SPON1: variants seen among roughly 807,000 people sequenced by gnomAD.
SPON1 encodes the protein spondin-1.
In SPON1, 52 loss-of-function variants were observed where a neutral mutation model predicts 111.7. The observed-to-expected ratio is 0.47, with a 90% CI of 0.37 to 0.59. The LOEUF (loss-of-function observed/expected upper bound fraction) is 0.59, where lower values mean the gene tolerates loss of function less well. Among genes scored for constraint, SPON1 ranks in the 20% least tolerant of loss-of-function variants. The pLI is 0.00. For missense variants in SPON1, 957 were observed against 1,068.5 expected (o/e 0.90, Z 1.46); for synonymous variants, 410 against 395.8 (o/e 1.04, Z -0.43).
chr11:14,069,716 T>A (rs983947879), intron 3 of SPON1, among the ~76,000 whole-genome samples: 1 of 152,110 alleles, frequency 6.6e-6, no homozygotes, highest in Non-Finnish European at 1.5e-5. Context: ...GAGTGATAAT[T>A]AATCAGGAAT....
intron 6 of SPON1, among the ~76,000 whole-genome samples, chr11:14,173,718 C>T (rs1332552930): frequency 6.6e-6 from 1 of 152,132 alleles, no homozygotes; most frequent in Non-Finnish European, 1.5e-5. Context: ...CAGTCAGGAC[C>T]CTCAGCTGCA....
intron 2 of SPON1, among the ~76,000 whole-genome samples, chr11:14,035,357 G>C (rs191570728): frequency 9.9e-5 from 15 of 152,278 alleles, no homozygotes; most frequent in Admixed American, 5.2e-4. Context: ...AGTTTCCTAA[G>C]GGGTGGGTTT....
At chr11:14,010,137 G>C (rs112342914) in intron 2 of SPON1, among the ~76,000 whole-genome samples, 11 of 152,276 alleles carry the variant, frequency 7.2e-5, no homozygotes, top group African/African-American at 2.6e-4. Flanking sequence ...GGAGGAGAAG[G>C]TTTAGTGGAA....
chr11:14,070,248 G>A (rs1455298988), intron 3 of SPON1, among the ~76,000 whole-genome samples: 1 of 152,178 alleles, frequency 6.6e-6, no homozygotes, highest in East Asian at 1.9e-4. Context: ...TGAGATCATA[G>A]AGAAATTTTA....
intron 1 of SPON1, among the ~76,000 whole-genome samples, chr11:13,981,126 G>C (rs1848140753): frequency 6.6e-6 from 1 of 152,114 alleles, no homozygotes; most frequent in African/African-American, 2.4e-5. Context: ...CTAGGTTCTG[G>C]GGATAAAAAG....
At chr11:13,966,733 A>G (rs1360304296) in intron 1 of SPON1, among the ~76,000 whole-genome samples, 1 of 152,192 alleles carries the variant, frequency 6.6e-6, no homozygotes, top group African/African-American at 2.4e-5. Flanking sequence ...TGGAAAGCGC[A>G]CAGGCTTTGA....
At chr11:13,968,732 G>C (rs868949101) in intron 1 of SPON1, among the ~76,000 whole-genome samples, 1 of 152,050 alleles carries the variant, frequency 6.6e-6, no homozygotes, top group Admixed American at 6.5e-5. Context: ...GCAGTGGACT[G>C]GGGGGAGAGG....
At chr11:13,993,510 T>C (rs1848247769) in intron 2 of SPON1, among the ~76,000 whole-genome samples, 1 of 152,198 alleles carries the variant, frequency 6.6e-6, no homozygotes, top group South Asian at 2.1e-4. Context: ...GCTCACTCTC[T>C]TGTCTCCTTC....
At chr11:14,132,243 A>G (rs1362372428) in intron 5 of SPON1, among the ~76,000 whole-genome samples, 1 of 151,730 alleles carries the variant, frequency 6.6e-6, no homozygotes, top group Non-Finnish European at 1.5e-5. Context: ...CTGCCACTAC[A>G]CTCTAGCCCA....
chr11:14,091,278 G>A (rs551433357), intron 5 of SPON1, among the ~76,000 whole-genome samples: 2 of 152,316 alleles, frequency 1.3e-5, no homozygotes, highest in African/African-American at 2.4e-5. Flanking sequence ...AGTGGATCCC[G>A]CACCGGGGCT....
intron 6 of SPON1, among the ~76,000 whole-genome samples, chr11:14,223,547 C>T (rs1225558109): frequency 2.0e-5 from 3 of 152,148 alleles, no homozygotes; most frequent in Non-Finnish European, 2.9e-5. Context: ...TGTGGAAAGC[C>T]GTAAGATGAA....
rs781951807 is a variant in SPON1, at chr11:14,259,466, G to GGGCGGGCA, written c.1663+25_1663+32dup. On this transcript the variant is annotated intron_variant, in intron 12 of 15. Coordinates refer to ENST00000576479, the MANE Select transcript of SPON1 (RefSeq NM_006108.4). This position sits in a 1 kb window ranked among gnomAD's most constrained non-coding sequence, Gnocchi z 5.0. ...GAGGAGTGCTGTGAGTGGGGGCCCC[G>GGGCGGGCA]GGCGGGCAGGCGGGCAAGTAGGTCG... The GGGCGGGCA allele has an allele frequency of 1.4e-5, 23 of 1,599,594 alleles. No individual in the cohort carries two copies. The South Asian group carries it at 1.5e-4, about 10-fold the overall frequency.
intron 6 of SPON1, among the ~76,000 whole-genome samples, chr11:14,215,771 C>A (rs1028205339): frequency 6.6e-6 from 1 of 152,200 alleles, no homozygotes; most frequent in Non-Finnish European, 1.5e-5. Context: ...AAGTATATTT[C>A]CCCTTGTACA....
chr11:14,168,320 T>C (rs924053144), intron 6 of SPON1, among the ~76,000 whole-genome samples: 3 of 152,192 alleles, frequency 2.0e-5, no homozygotes, highest in Non-Finnish European at 4.4e-5. Flanking sequence ...AAACTGTCTT[T>C]ATTTCCAAAA....
chr11:14,200,017 T>G (rs185104362), intron 6 of SPON1, among the ~76,000 whole-genome samples: 74 of 152,286 alleles, frequency 4.9e-4, no homozygotes, highest in African/African-American at 1.6e-3. Flanking sequence ...TTGCTCTCTT[T>G]TCCTTGAATA....
chr11:14,146,769 T>C (rs186695476), intron 6 of SPON1, among the ~76,000 whole-genome samples: 7 of 152,148 alleles, frequency 4.6e-5, no homozygotes, highest in Non-Finnish European at 1.0e-4. Context: ...ATCAATAGAA[T>C]CTAATAGAAA....
intron 5 of SPON1, among the ~76,000 whole-genome samples, chr11:14,106,238 A>T (rs188593450): frequency 6.6e-6 from 1 of 152,252 alleles, no homozygotes; most frequent in East Asian, 1.9e-4. Context: ...CTCTGCTGTG[A>T]TTCCAAGAAA....
chr11:14,250,851 G>A (rs1554940616), intron 7 of SPON1, among the ~76,000 whole-genome samples: 1 of 152,082 alleles, frequency 6.6e-6, no homozygotes, highest in East Asian at 1.9e-4. Flanking sequence ...TTGAAGTGAT[G>A]CTTAATTAAA....
chr11:14,150,632 G>A (rs1275834065), intron 6 of SPON1, among the ~76,000 whole-genome samples: 1 of 151,784 alleles, frequency 6.6e-6, no homozygotes, highest in Non-Finnish European at 1.5e-5. Flanking sequence ...AGAAAAATGG[G>A]GAACAAAAAG....
Sources: allele counts gnomAD v4.1 joint callset (sites outside exome capture counted in the v4.1 genomes callset), GRCh38; gene constraint gnomAD v4.1.1; non-coding constraint Gnocchi (gnomAD v3.1); transcripts MANE v1.5; gene names NCBI Gene and HGNC (gene_info 2026-07-23, HGNC 2026-07-21).